TIMD4: variants seen among roughly 807,000 people sequenced by gnomAD.
TIMD4 encodes T cell immunoglobulin and mucin domain containing 4.
Under a neutral mutation model 41.2 loss-of-function variants are expected in TIMD4, and 31 were observed. That is an observed-to-expected ratio of 0.75 (90% CI 0.57 to 1.01). The LOEUF is 1.01. TIMD4 is among the 50% of genes least tolerant of loss of function. The probability of loss-of-function intolerance (pLI) is 0.00; values close to 1 mark genes in which losing one functional copy is unlikely to be tolerated. For missense variants in TIMD4, 479 were observed against 472.5 expected (o/e 1.01, Z -0.13); for synonymous variants, 204 against 177.1 (o/e 1.15, Z -1.21).
rs1200722158 is a variant in TIMD4 at position 156,962,426 on chromosome 5, T to C, written c.58+715A>G. 2.0e-5 allele frequency among the ~76,000 whole-genome samples: 3 copies of C among 152,192 alleles called. No individual in the cohort carries two copies. In the East Asian group the frequency reaches 5.8e-4, roughly 29 times the overall value. On this transcript the variant is annotated intron_variant, in intron 1 of 8. Transcript: ENST00000274532. Reference sequence around the variant, plus strand: ...ATCCATTTAAAAAAAAAATGGACTTTTGTAAAACTGCAAGGGCCATTCAAT... The same window carrying C: ...ATCCATTTAAAAAAAAAATGGACTTCTGTAAAACTGCAAGGGCCATTCAAT...
chr5:156,938,148 G>C (rs759618073), intron 5 of TIMD4, among the ~76,000 whole-genome samples: 9 of 152,146 alleles, frequency 5.9e-5, no homozygotes, highest in Admixed American at 2.0e-4. Context: ...TGCAATGTAG[G>C]GCAATGAGCT....
Position 156,954,470 on chromosome 5 carries a change from T to G in TIMD4, c.345A>C (p.Glu115Asp). 6.2e-7 allele frequency: 1 copy of G among 1,614,230 alleles called. No homozygotes were observed. The highest frequency in any genetic ancestry group is 8.5e-7 in the Non-Finnish European group (1 of 1,180,042). The change falls in exon 2 of 9, where the codon GAA (glutamate) becomes GAC (aspartate). Residue 115 changes from glutamate (E) to aspartate (D), a missense_variant. Glu to Asp is a conservative substitution (Grantham distance 45). Transcript: ENST00000274532. ...SDSGVYCCRI[E>D]VPGWFNDVKI... ...TTACATCGTTGAACCAGCCAGGCACTTCTATGCGGCAGCAGTACACACCGC... is the reference window on the plus strand; with the variant it reads ...TTACATCGTTGAACCAGCCAGGCACGTCTATGCGGCAGCAGTACACACCGC...
At position 156,954,725 on chromosome 5, in the gene TIMD4, C is replaced by G; in HGVS notation, c.90G>C (p.Glu30Asp). The change falls in exon 2 of 9, where the codon GAG becomes GAC. Residue 30 changes from glutamate to aspartate, a missense_variant. Transcript: ENST00000274532. Reference protein sequence around the residue: ...TPVTSETVVTEVLGHRVTLPC... With the variant: ...TPVTSETVVTDVLGHRVTLPC... ...GCAAAGTCACCCGGTGACCCAAAAC[C>G]TCCGTCACAACAGTCTCTGAAGTGA... 1 of 1,613,410 alleles carries G rather than the reference C, an allele frequency of 6.2e-7. No individual in the cohort carries two copies. Among genetic ancestry groups the G allele is most frequent in the Non-Finnish European group, 8.5e-7 (1 of 1,179,498 alleles).
intron 5 of TIMD4, among the ~76,000 whole-genome samples, chr5:156,944,074 G>A (rs866408693): frequency 1.9e-4 from 28 of 143,644 alleles, no homozygotes; most frequent in African/African-American, 5.5e-4. Context: ...AAAAAAAAAA[G>A]AAATAAAGAA....
intron 5 of TIMD4, among the ~76,000 whole-genome samples, chr5:156,946,642 A>G (rs1759748938): frequency 6.7e-6 from 1 of 149,682 alleles, no homozygotes; most frequent in South Asian, 2.1e-4. Context: ...ACGTCCACCT[A>G]ATTTTTTTGT....
At chr5:156,936,686 G>A (rs1325184102) in intron 5 of TIMD4, among the ~76,000 whole-genome samples, 2 of 151,956 alleles carry the variant, frequency 1.3e-5, no homozygotes, top group Non-Finnish European at 2.9e-5. Context: ...GGAGGCCGAG[G>A]TGGGCAGATC....
chr5:156,936,591 T>C (rs1377277484), intron 5 of TIMD4, among the ~76,000 whole-genome samples: 1 of 152,004 alleles, frequency 6.6e-6, no homozygotes, highest in Non-Finnish European at 1.5e-5. Flanking sequence ...CTGGGCTCTA[T>C]GGACTTTGGA....
At chr5:156,927,388 C>T (rs993765829) in intron 5 of TIMD4, among the ~76,000 whole-genome samples, 1 of 152,288 alleles carries the variant, frequency 6.6e-6, no homozygotes, top group East Asian at 1.9e-4. Flanking sequence ...GAGCATGGTG[C>T]CCATGTCAGA....
chr5:156,926,258 T>A lies in TIMD4; in HGVS notation c.894+5A>T. The A allele has an allele frequency of 1.2e-6, 2 of 1,613,218 alleles. No individual in the cohort carries two copies. The highest frequency in any genetic ancestry group is 2.2e-5 in the South Asian group (2 of 91,060). On this transcript the variant is annotated splice_donor_5th_base_variant and intron_variant, in intron 6 of 8. Transcript: ENST00000274532. ...TATACTGCAAATACTTCACAGATTTTTTACCTGTCCTGTTTTTGTTGTTTT... is the reference window on the plus strand; with the variant it reads ...TATACTGCAAATACTTCACAGATTTATTACCTGTCCTGTTTTTGTTGTTTT...
chr5:156,956,186 G>A (rs950978395), intron 1 of TIMD4, among the ~76,000 whole-genome samples: 2 of 152,000 alleles, frequency 1.3e-5, no homozygotes, highest in African/African-American at 4.8e-5. Flanking sequence ...TGTTTCTATG[G>A]GATTAACTTT....
chr5:156,933,003 C>CAAA (rs200192366), intron 5 of TIMD4, among the ~76,000 whole-genome samples: 1 of 125,916 alleles, frequency 7.9e-6, no homozygotes, highest in African/African-American at 3.1e-5. Context: ...GACTCTGTCT[C>CAAA]AAAAAAAGAA....
In TIMD4 at chr5:156,957,512, C is replaced by CAAAAAA. The variant is rs3068101; in HGVS notation, c.59-2762_59-2757dup. Reference sequence around the variant, plus strand: ...TGGGTGACAGAGCGAGAGTCTATCTCAAAAAAAAAAAAGAAAAAAGAAAAA... The same window carrying CAAAAAA: ...TGGGTGACAGAGCGAGAGTCTATCTCAAAAAAAAAAAAAAAAAAGAAAAAAGAAAAA... On this transcript the variant is annotated intron_variant, in intron 1 of 8. Transcript: ENST00000274532. 6.0e-4 allele frequency among the ~76,000 whole-genome samples: 68 copies of CAAAAAA among 113,840 alleles called. 11 individuals carry two copies. The highest frequency in any genetic ancestry group is 1.5e-3 in the African/African-American group (42 of 28,676). The allele number at this position is 113,840 out of a possible 152,430, so 74.7% of individuals were successfully genotyped here.
At chr5:156,925,251 G>C (rs1022560957) in intron 6 of TIMD4, among the ~76,000 whole-genome samples, 4 of 152,162 alleles carry the variant, frequency 2.6e-5, no homozygotes, top group Non-Finnish European at 5.9e-5. Flanking sequence ...CAGAGGTTGC[G>C]GTGAGTCAAG....
At chr5:156,931,629 G>T (rs937360311) in intron 5 of TIMD4, among the ~76,000 whole-genome samples, 6 of 152,280 alleles carry the variant, frequency 3.9e-5, no homozygotes, top group Admixed American at 2.0e-4. Flanking sequence ...AATTCTTACT[G>T]TAAGTTAGTA....
At chr5:156,951,006 G>A (rs57996067) in intron 3 of TIMD4, among the ~76,000 whole-genome samples, 34 of 97,040 alleles carry the variant, frequency 3.5e-4, no homozygotes, top group South Asian at 1.3e-3. Flanking sequence ...ACACCTCCTC[G>A]TACACACACA....
chr5:156,924,277 G>T, intron 6 of TIMD4: 1 of 373,838 alleles, frequency 2.7e-6, no homozygotes, highest in Non-Finnish European at 5.3e-6. Context: ...TAAACATGCA[G>T]ATGAGTCAAG....
chr5:156,957,696 C>T (rs1759999519), intron 1 of TIMD4, among the ~76,000 whole-genome samples: 1 of 151,112 alleles, frequency 6.6e-6, no homozygotes, highest in South Asian at 2.1e-4. Flanking sequence ...AGTGTGGTGG[C>T]ACATGCCTAC....
intron 1 of TIMD4, among the ~76,000 whole-genome samples, chr5:156,961,656 A>G (rs1047001703): frequency 6.3e-5 from 9 of 142,326 alleles, no homozygotes; most frequent in African/African-American, 9.3e-5. Context: ...TACAAAAATT[A>G]GCCAGGCATG....
At chr5:156,943,815 G>A (rs1759688520) in intron 5 of TIMD4, among the ~76,000 whole-genome samples, 1 of 151,862 alleles carries the variant, frequency 6.6e-6, no homozygotes, top group Non-Finnish European at 1.5e-5. Flanking sequence ...ACTTTGGGAG[G>A]CCAAGGCAGG....
Sources: allele counts gnomAD v4.1 joint callset (sites outside exome capture counted in the v4.1 genomes callset), GRCh38; gene constraint gnomAD v4.1.1; transcripts MANE v1.5; gene names NCBI Gene and HGNC (gene_info 2026-07-23, HGNC 2026-07-21).